PRDM5: variants seen among roughly 807,000 people sequenced by gnomAD.
The protein encoded by PRDM5 is PR/SET domain 5, also known as PR domain zinc finger protein 5.
In PRDM5, 56 loss-of-function variants were observed where a neutral mutation model predicts 81.2. The observed-to-expected ratio is 0.69, with a 90% CI of 0.56 to 0.86. The LOEUF (loss-of-function observed/expected upper bound fraction) is 0.86. PRDM5 is among the 40% of genes least tolerant of loss of function. PRDM5 has a pLI of 0.00. For synonymous variants in PRDM5, 267 were observed against 256.4 expected (o/e 1.04, Z -0.39); for missense variants, 697 against 770.1 (o/e 0.91, Z 1.12).
intron 2 of PRDM5, among the ~76,000 whole-genome samples, chr4:120,898,294 G>C (rs1764874065): frequency 6.6e-6 from 1 of 152,124 alleles, no homozygotes; most frequent in Non-Finnish European, 1.5e-5. Flanking sequence ...CTTTTCAAAG[G>C]CATGTGGCTT....
chr4:120,694,964 G>A lies in PRDM5; in HGVS notation c.*147C>T, dbSNP rs1420897578. The A allele has an allele frequency of 2.2e-6, 2 of 889,688 alleles. No individual in the cohort carries two copies. The highest frequency in any genetic ancestry group is 2.1e-5 in the Admixed American group (1 of 47,238). 55.1% of individuals were successfully genotyped at this position (889,688 alleles called of 1,614,324 possible). A position where few individuals can be genotyped will look rare whatever the true frequency, so the allele number is the denominator to read the frequency against. ...GTAAGACTTTTTTTTGGTTGCATAT[G>A]CATCTACAGACTCTAAATGTAGGCA... On this transcript the variant is annotated 3_prime_UTR_variant, in exon 16 of 16. Transcript: ENST00000264808.
chr4:120,805,403 G>C (rs1488921460), intron 8 of PRDM5, among the ~76,000 whole-genome samples: 2 of 152,136 alleles, frequency 1.3e-5, no homozygotes, highest in Non-Finnish European at 2.9e-5. Flanking sequence ...AATAAAAAAA[G>C]AGAATTTTGG....
chr4:120,693,593 A>C lies in PRDM5; in HGVS notation c.*1518T>G, dbSNP rs547668223. Reference sequence around the variant, plus strand: ...CTGAGTTTCAAATTTAGTATTTTACAACATTCAAATGTCTACATTGAATCT... The same window carrying C: ...CTGAGTTTCAAATTTAGTATTTTACCACATTCAAATGTCTACATTGAATCT... On this transcript the variant is annotated 3_prime_UTR_variant, in exon 16 of 16. Coordinates refer to ENST00000264808, the MANE Select transcript of PRDM5 (RefSeq NM_018699.4). 19 of 152,266 alleles carry C rather than the reference A, an allele frequency of 1.2e-4. No individual in the cohort carries two copies. Among genetic ancestry groups the C allele is most frequent in the Admixed American group, 1.2e-3 (18 of 15,264 alleles). 9.4% of individuals were successfully genotyped at this position (152,266 alleles called of 1,614,324 possible). A position where few individuals can be genotyped will look rare whatever the true frequency, so the allele number is the denominator to read the frequency against.
chr4:120,708,006 G>A (rs1215597762), intron 15 of PRDM5, among the ~76,000 whole-genome samples: 5 of 152,006 alleles, frequency 3.3e-5, no homozygotes, highest in Admixed American at 1.3e-4. Context: ...AAAAAAAAGT[G>A]TTGGCAAGAA....
At chr4:120,806,704 T>C (rs1245263897) in intron 8 of PRDM5, among the ~76,000 whole-genome samples, 2 of 152,128 alleles carry the variant, frequency 1.3e-5, no homozygotes, top group East Asian at 3.8e-4. Context: ...TAATTCAAGA[T>C]GGATTAAAGA....
chr4:120,883,134 G>T (rs1017515713), intron 2 of PRDM5, among the ~76,000 whole-genome samples: 2 of 152,126 alleles, frequency 1.3e-5, no homozygotes, highest in Admixed American at 1.3e-4. Context: ...AACATGAAAA[G>T]TTTAAATGCA....
chr4:120,750,460 T>G (rs1286569353), intron 14 of PRDM5, among the ~76,000 whole-genome samples: 1 of 152,132 alleles, frequency 6.6e-6, no homozygotes, highest in Non-Finnish European at 1.5e-5. Context: ...GGAAGGATCC[T>G]TAAGAAAAGC....
intron 12 of PRDM5, among the ~76,000 whole-genome samples, chr4:120,778,942 C>A (rs945244643): frequency 6.6e-6 from 1 of 152,058 alleles, no homozygotes; most frequent in African/African-American, 2.4e-5. Context: ...GCAAAATATG[C>A]CAATTTGTGT....
intron 13 of PRDM5, among the ~76,000 whole-genome samples, chr4:120,756,473 C>T (rs1744760213): frequency 6.6e-6 from 1 of 152,172 alleles, no homozygotes; most frequent in African/African-American, 2.4e-5. Flanking sequence ...GATTTTGCTT[C>T]TCTGATATAT....
intron 3 of PRDM5, among the ~76,000 whole-genome samples, chr4:120,835,799 G>T (rs1757286041): frequency 6.6e-6 from 1 of 151,860 alleles, no homozygotes; most frequent in Non-Finnish European, 1.5e-5. Context: ...CTGAGTAAAA[G>T]AATATAAGCT....
intron 4 of PRDM5, 141 bp downstream of exon 4, chr4:120,821,030 T>C (rs888031427): frequency 2.0e-6 from 2 of 1,005,870 alleles, no homozygotes; most frequent in African/African-American, 3.2e-5. Flanking sequence ...CACCACAGGA[T>C]ACCCTCGAGA....
intron 14 of PRDM5, among the ~76,000 whole-genome samples, chr4:120,734,413 CACACAAAT>C (rs1740773883): frequency 6.9e-6 from 1 of 144,660 alleles, no homozygotes; most frequent in Admixed American, 6.8e-5. Flanking sequence ...CACACACACA[CACACAAAT>C]ACACACACAC....
chr4:120,906,911 C>T (rs568500383), intron 2 of PRDM5, among the ~76,000 whole-genome samples: 8 of 149,840 alleles, frequency 5.3e-5, no homozygotes, highest in Non-Finnish European at 1.0e-4. Flanking sequence ...GAAAGTCAAA[C>T]ATCACTATAC....
intron 3 of PRDM5, among the ~76,000 whole-genome samples, chr4:120,834,870 A>C (rs1283261449): frequency 6.6e-6 from 1 of 152,124 alleles, no homozygotes; most frequent in East Asian, 1.9e-4. Context: ...CTGTGTCTCA[A>C]GCCTGCCTGC....
rs536510089 is a variant in PRDM5, at chr4:120,761,693, C to T, written c.1538-7055G>A. 4.9e-4 allele frequency among the ~76,000 whole-genome samples: 75 copies of T among 152,074 alleles called. No individual in the cohort carries two copies. The South Asian group carries it at 6.6e-3, about 13-fold the overall frequency. ...TTCAACATCTTGACACAAATCCTTTCGAAAAAATCTATGTTTACAATACAT... is the reference window on the plus strand; with the variant it reads ...TTCAACATCTTGACACAAATCCTTTTGAAAAAATCTATGTTTACAATACAT... On this transcript the variant is annotated intron_variant, in intron 13 of 15. Coordinates refer to ENST00000264808, the MANE Select transcript of PRDM5 (RefSeq NM_018699.4).
At chr4:120,834,765 C>T (rs968255475) in intron 3 of PRDM5, among the ~76,000 whole-genome samples, 1 of 152,032 alleles carries the variant, frequency 6.6e-6, no homozygotes, top group Non-Finnish European at 1.5e-5. Flanking sequence ...CTCAATAAAA[C>T]AAAAAGGCTG....
At chr4:120,710,195 T>G (rs1736750148) in intron 15 of PRDM5, 114 bp downstream of exon 15, 20 of 885,936 alleles carry the variant, frequency 2.3e-5, no homozygotes, top group Middle Eastern at 3.1e-4. Flanking sequence ...ATAGGCACAT[T>G]CCAGCAATGC....
At chr4:120,747,660 T>G (rs544859735) in intron 14 of PRDM5, among the ~76,000 whole-genome samples, 110 of 152,238 alleles carry the variant, frequency 7.2e-4, no homozygotes, top group African/African-American at 2.6e-3. Flanking sequence ...CAGACCTACA[T>G]CTGAACAATC....
At chr4:120,684,743 A>T (rs56168357), downstream of PRDM5, among the ~76,000 whole-genome samples, 37,168 of 151,836 alleles carry the variant, frequency 0.24, 5,290 homozygotes, top group East Asian at 0.62. Flanking sequence ...ACCAGTATTC[A>T]AAAATTATCT....
Sources: gnomAD v4.1 joint callset for allele counts (sites outside exome capture counted in the v4.1 genomes callset) on GRCh38, gnomAD v4.1.1 for gene constraint, MANE v1.5 for transcripts, NCBI Gene and HGNC (gene_info 2026-07-23, HGNC 2026-07-21) for gene names.